Variants in MYO18B observed in about 807,000 individuals in gnomAD.
The protein encoded by MYO18B is unconventional myosin-XVIIIb.
A neutral mutation model predicts 273.0 loss-of-function variants in MYO18B; 204 were observed. The observed-to-expected ratio is 0.75, with a 90% CI of 0.67 to 0.84. The LOEUF (loss-of-function observed/expected upper bound fraction) is 0.84. Ranked by LOEUF, MYO18B falls within the 40% of genes least tolerant of loss-of-function variation. MYO18B has a pLI of 0.00. For missense variants in MYO18B, 3,212 were observed against 3,287.6 expected, an observed-to-expected ratio of 0.98 and a Z score of 0.56; for synonymous variants, 1,330 against 1,305.7, an observed-to-expected ratio of 1.02 and a Z score of -0.40.
intron 12 of MYO18B, among the ~76,000 whole-genome samples, chr22:25,806,929 C>T (rs2088505467): frequency 6.6e-6 from 1 of 152,218 alleles, no homozygotes; most frequent in Non-Finnish European, 1.5e-5. Context: ...CTGATAATAA[C>T]TCCACCTACC....
At chr22:25,778,359 T>A (rs971874072) in intron 8 of MYO18B, among the ~76,000 whole-genome samples, 4 of 152,108 alleles carry the variant, frequency 2.6e-5, no homozygotes, top group Non-Finnish European at 5.9e-5. Context: ...GGATGTGATA[T>A]TTGATCTGGG....
At position 25,891,410 on chromosome 22, in the gene MYO18B, G is replaced by A; in HGVS notation, c.4541G>A (p.Gly1514Glu). ...GACTTGGAAAGGAATCCCACTGGAG[G>A]AGGTGAGCAGCCTGGGACCCTTGGG... ...LNDLERNPTG[G>E]ADEWQMRFDC... Residue 1514 changes from glycine to glutamate, a missense_variant and splice_region_variant, in exon 27 of 44, where the codon GGA becomes GAA. Transcript: ENST00000335473. 1.9e-6 allele frequency: 3 copies of A among 1,565,160 alleles called. No individual in the cohort carries two copies. The highest frequency in any genetic ancestry group is 2.6e-6 in the Non-Finnish European group (3 of 1,150,740).
chr22:25,936,658 G>A (rs976466161), intron 34 of MYO18B, among the ~76,000 whole-genome samples: 7 of 152,116 alleles, frequency 4.6e-5, no homozygotes, highest in African/African-American at 1.4e-4. Flanking sequence ...AATTAAACTA[G>A]GTAGCTTCAG....
At chr22:25,958,839 A>G (rs1220531058) in intron 39 of MYO18B, among the ~76,000 whole-genome samples, 1 of 152,110 alleles carries the variant, frequency 6.6e-6, no homozygotes, top group African/African-American at 2.4e-5. Context: ...CATTTCTATA[A>G]GATAAGGGGC....
intron 23 of MYO18B, 138 bp downstream of exon 23, chr22:25,874,552 G>T: frequency 9.2e-7 from 1 of 1,085,192 alleles, no homozygotes; most frequent in Non-Finnish European, 1.3e-6. Context: ...GTGAGGCTTT[G>T]CAAGATGTTA....
Position 25,985,324 on chromosome 22 carries a change from G to A in MYO18B, c.6157-7039G>A, listed in dbSNP as rs145106775. On this transcript the variant is annotated intron_variant, in intron 39 of 43. Transcript: ENST00000335473. ...TGCAGTGAGCTGAGATCGTGCCACC[G>A]CACTTCAGCCTAGGTGACAGAGCAA... Among the ~76,000 whole-genome samples the A allele has an allele frequency of 1.1e-3, 169 of 152,162 alleles. 3 individuals are homozygous for A. Among genetic ancestry groups the A allele is most frequent in the East Asian group, 1.5e-3 (8 of 5,176 alleles).
rs111915330 is a variant in MYO18B, at chr22:25,956,300, C to T, written c.6156+936C>T. On this transcript the variant is annotated intron_variant, in intron 39 of 43. Coordinates refer to ENST00000335473, the MANE Select transcript of MYO18B (RefSeq NM_032608.7). ...GCACGATCTCAGCTCACTATAATCTCCATCTCCCAGGTTCAAGCGATTCTC... is the reference window on the plus strand; with the variant it reads ...GCACGATCTCAGCTCACTATAATCTTCATCTCCCAGGTTCAAGCGATTCTC... Among the ~76,000 whole-genome samples, 910 of 151,734 alleles carry T rather than the reference C, an allele frequency of 6.0e-3. 8 individuals are homozygous for T. The highest frequency in any genetic ancestry group is 0.021 in the African/African-American group (872 of 41,340).
rs371193611 is a variant in MYO18B at position 25,772,360 on chromosome 22, C to G, written c.1719C>G (p.Val573=). 1.2e-6 allele frequency: 2 copies of G among 1,613,840 alleles called. No homozygotes were observed. Among genetic ancestry groups the G allele is most frequent in the Non-Finnish European group, 1.7e-6 (2 of 1,179,840 alleles). The change falls in exon 7 of 44, where the codon GTC becomes GTG. Residue 573 remains valine, a synonymous_variant. Coordinates refer to ENST00000335473, the MANE Select transcript of MYO18B (RefSeq NM_032608.7). ...HRANPPELDQ[V]EDLASLISVN... Reference sequence around the variant, plus strand: ...CCAACCCTCCTGAGCTGGACCAGGTCGAGGACCTGGCCTCTCTCATCAGTG... The same window carrying G: ...CCAACCCTCCTGAGCTGGACCAGGTGGAGGACCTGGCCTCTCTCATCAGTG...
chr22:26,027,342 C>G lies in MYO18B; in HGVS notation c.7368C>G (p.Ser2456=), dbSNP rs1332454563. 1 of 1,613,980 alleles carries G rather than the reference C, an allele frequency of 6.2e-7. No individual in the cohort carries two copies. The highest frequency in any genetic ancestry group is 1.7e-5 in the Admixed American group (1 of 60,026). The change falls in exon 43 of 44, where the codon TCC becomes TCG. Residue 2456 remains serine (S), a synonymous_variant. Coordinates refer to ENST00000335473, the MANE Select transcript of MYO18B (RefSeq NM_032608.7). The surrounding 1 kb of genome is among the most constrained non-coding windows in gnomAD (Gnocchi z 4.1). ...TCCGGAAGCCCCAGACACCTACCTC[C>G]TTGGCTGGATCAGCCAAAGGTGGGC... is the stretch of plus-strand genomic sequence containing the variant. ...PAIRKPQTPT[S]LAGSAKGGQD... is the part of the protein sequence containing the mutation.
intron 11 of MYO18B, among the ~76,000 whole-genome samples, chr22:25,796,534 T>C (rs1038326150): frequency 3.3e-5 from 5 of 151,424 alleles, no homozygotes; most frequent in African/African-American, 1.2e-4. Context: ...AGTTTGAGAC[T>C]GCAGTGGGCT....
At chr22:25,756,306 G>A (rs564795007) in intron 1 of MYO18B, 34 of 152,306 alleles carry the variant, frequency 2.2e-4, no homozygotes, top group African/African-American at 6.0e-4. Context: ...TAAAGACTTC[G>A]CTGTTGGCAC....
chr22:25,760,238 A>G (rs1050522737), intron 1 of MYO18B, among the ~76,000 whole-genome samples: 1 of 151,960 alleles, frequency 6.6e-6, no homozygotes, highest in African/African-American at 2.4e-5. Flanking sequence ...ATATGATGAA[A>G]ACCCTTCTCT....
At chr22:25,996,796 G>A (rs1324492110) in intron 40 of MYO18B, among the ~76,000 whole-genome samples, 6 of 152,102 alleles carry the variant, frequency 3.9e-5, no homozygotes, top group African/African-American at 1.2e-4. Context: ...ATCAAGGCAC[G>A]TTCTAGGAAG....
intron 24 of MYO18B, 146 bp downstream of exon 24, chr22:25,876,478 G>T: frequency 1.2e-6 from 1 of 859,608 alleles, no homozygotes; most frequent in Non-Finnish European, 1.7e-6. Context: ...CCTTCCAGAT[G>T]TTCCTCTGCC....
At chr22:25,940,772 A>G (rs2092634444) in intron 34 of MYO18B, among the ~76,000 whole-genome samples, 1 of 152,166 alleles carries the variant, frequency 6.6e-6, no homozygotes, top group African/African-American at 2.4e-5. Context: ...TCAGGGCCCC[A>G]CCAAATATCC....
chr22:25,892,980 G>A (rs1164454769), intron 27 of MYO18B, among the ~76,000 whole-genome samples: 1 of 152,186 alleles, frequency 6.6e-6, no homozygotes, highest in Non-Finnish European at 1.5e-5. Context: ...GGGGACATGT[G>A]CTTAGCTCAT....
chr22:26,052,388 A>G, the MYO18B span, among the ~76,000 whole-genome samples: 1 of 152,342 alleles, frequency 6.6e-6, no homozygotes, highest in Non-Finnish European at 1.5e-5. Flanking sequence ...CAATTCAGCA[A>G]TTTAGTGTTT....
rs148613966 is a variant in MYO18B at position 25,856,049 on chromosome 22, T to C, written c.3885+4470T>C. Among the ~76,000 whole-genome samples, 55 of 152,328 alleles carry C rather than the reference T, an allele frequency of 3.6e-4. 2 individuals are homozygous for C. The East Asian group carries it at 8.5e-3, about 24-fold the overall frequency. On this transcript the variant is annotated intron_variant, in intron 21 of 43. Coordinates refer to ENST00000335473, the MANE Select transcript of MYO18B (RefSeq NM_032608.7). ...CCTGCTTTCAGTTTTTTGGGGTATA[T>C]ACCCAGAAGTGGAATAGCTGGATCA...
chr22:25,830,387 G>A (rs766238761), intron 15 of MYO18B, among the ~76,000 whole-genome samples: 4 of 152,226 alleles, frequency 2.6e-5, no homozygotes, highest in Non-Finnish European at 2.9e-5. Context: ...AAAAATCTTC[G>A]GTTGTTGCTC....
Sources: allele counts gnomAD v4.1 joint callset (sites outside exome capture counted in the v4.1 genomes callset), GRCh38; gene constraint gnomAD v4.1.1; non-coding constraint Gnocchi (gnomAD v3.1); transcripts MANE v1.5; gene names NCBI Gene and HGNC (gene_info 2026-07-23, HGNC 2026-07-21).